The following PRDM16 variants were observed in gnomAD, a reference collection of about 807,000 sequenced individuals.
PRDM16 encodes the protein PR/SET domain 16.
PRDM16 carries 23 observed loss-of-function variants against 110.6 expected under a neutral mutation model. The observed-to-expected ratio is 0.21, with a 90% CI of 0.15 to 0.29. The LOEUF (loss-of-function observed/expected upper bound fraction) is 0.29, where lower values mean the gene tolerates loss of function less well. Among genes scored for constraint, PRDM16 ranks in the 10% least tolerant of loss-of-function variants. The pLI, the probability that PRDM16 is intolerant of heterozygous loss-of-function variation, is 1.00. For synonymous variants in PRDM16, 799 were observed against 781.8 expected, an observed-to-expected ratio of 1.02 and a Z score of -0.37; for missense variants, 1,615 against 1,794.3, an observed-to-expected ratio of 0.90 and a Z score of 1.81.
chr1:3,180,928 G>C (rs542609254), intron 1 of PRDM16, among the ~76,000 whole-genome samples: 3 of 147,144 alleles, frequency 2.0e-5, no homozygotes, highest in Non-Finnish European at 4.5e-5. Context: ...CCTTACACAC[G>C]CAGCCACACA....
chr1:3,181,282 G>GCA (rs1644170112), intron 1 of PRDM16, among the ~76,000 whole-genome samples: 1 of 78,200 alleles, frequency 1.3e-5, no homozygotes, highest in Non-Finnish European at 3.1e-5. Flanking sequence ...CCTTACGCAT[G>GCA]GTCTTACACA....
At chr1:3,105,302 C>T (rs1040150945) in intron 1 of PRDM16, among the ~76,000 whole-genome samples, 24 of 152,336 alleles carry the variant, frequency 1.6e-4, no homozygotes, top group African/African-American at 3.1e-4. Context: ...TCTGACACCC[C>T]GCTTCCTCCA....
At chr1:3,121,653 G>T (rs536599909) in intron 1 of PRDM16, among the ~76,000 whole-genome samples, 1 of 152,254 alleles carries the variant, frequency 6.6e-6, no homozygotes, top group Admixed American at 6.5e-5. Flanking sequence ...AGGCTGTGCC[G>T]AGGAAGGGGA....
At chr1:3,103,600 C>T (rs1642582037) in intron 1 of PRDM16, among the ~76,000 whole-genome samples, 1 of 152,192 alleles carries the variant, frequency 6.6e-6, no homozygotes, top group African/African-American at 2.4e-5. Flanking sequence ...GGTGCAGAAA[C>T]ACCTGTGGAG....
At chr1:3,287,509 C>CCTGCATGGA (rs370657563) in intron 3 of PRDM16, among the ~76,000 whole-genome samples, 1 of 75,998 alleles carries the variant, frequency 1.3e-5, no homozygotes, top group African/African-American at 6.3e-5. Flanking sequence ...GGAGCCGCCC[C>CCTGCATGGA]GCCACGCGGG....
At chr1:3,335,328 G>A (rs1029386760) in intron 3 of PRDM16, among the ~76,000 whole-genome samples, 17 of 152,164 alleles carry the variant, frequency 1.1e-4, no homozygotes, top group Non-Finnish European at 2.9e-5. Context: ...ATGAAAGAAC[G>A]TTATTGACTG....
chr1:3,217,854 C>T (rs1639067460), intron 2 of PRDM16, among the ~76,000 whole-genome samples: 1 of 152,206 alleles, frequency 6.6e-6, no homozygotes, highest in African/African-American at 2.4e-5. Context: ...TGCATGCTAC[C>T]TCGCTCACTC....
intron 3 of PRDM16, among the ~76,000 whole-genome samples, chr1:3,322,920 C>G (rs911221020): frequency 2.6e-5 from 4 of 152,162 alleles, no homozygotes; most frequent in Admixed American, 2.6e-4. Flanking sequence ...TGGACTGGGG[C>G]TCCCTGTGAT....
intron 1 of PRDM16, among the ~76,000 whole-genome samples, chr1:3,091,373 G>A (rs1438798517): frequency 2.0e-5 from 3 of 152,152 alleles, no homozygotes; most frequent in Admixed American, 1.3e-4. Context: ...GCACCGAGAC[G>A]ACAGCATCTC....
At chr1:3,240,316 A>G (rs577123639) in intron 2 of PRDM16, among the ~76,000 whole-genome samples, 2 of 148,910 alleles carry the variant, frequency 1.3e-5, no homozygotes, top group East Asian at 4.2e-4. Context: ...CAGGAGGCTG[A>G]GTTGAGAGGA....
At chr1:3,371,298 C>T (rs1234419980) in intron 3 of PRDM16, among the ~76,000 whole-genome samples, 1 of 147,718 alleles carries the variant, frequency 6.8e-6, no homozygotes, top group East Asian at 2.1e-4. Context: ...CATCCATCCA[C>T]CCATCCATCC....
At chr1:3,150,449 A>C (rs558465161) in intron 1 of PRDM16, among the ~76,000 whole-genome samples, 33 of 151,956 alleles carry the variant, frequency 2.2e-4, no homozygotes, top group Non-Finnish European at 3.8e-4. Flanking sequence ...GTCCCAGCTA[A>C]TTGGGAGGTA....
chr1:3,321,945 C>T (rs895880350), intron 3 of PRDM16, among the ~76,000 whole-genome samples: 3 of 149,396 alleles, frequency 2.0e-5, no homozygotes, highest in African/African-American at 7.4e-5. Context: ...GTATGTTTGG[C>T]ATGCATGTAT....
intron 1 of PRDM16, among the ~76,000 whole-genome samples, chr1:3,166,319 C>T (rs1798245): frequency 0.063 from 9,604 of 152,282 alleles, 858 homozygotes; most frequent in East Asian, 0.23. Flanking sequence ...CCGATGCCCA[C>T]GAGGGGTCCC....
At chr1:3,232,549 C>T (rs1033515778) in intron 2 of PRDM16, among the ~76,000 whole-genome samples, 1 of 152,150 alleles carries the variant, frequency 6.6e-6, no homozygotes, top group African/African-American at 2.4e-5. Flanking sequence ...GTTTGCGGAA[C>T]TCAGAAATGC....
intron 3 of PRDM16, among the ~76,000 whole-genome samples, chr1:3,332,734 C>T (rs115692861): frequency 0.026 from 3,952 of 151,976 alleles, 68 homozygotes; most frequent in Middle Eastern, 0.055. Flanking sequence ...CACTCCCCAC[C>T]GCCCGTCCCC....
At chr1:3,252,116 C>T (rs1160631339) in intron 3 of PRDM16, among the ~76,000 whole-genome samples, 1 of 152,238 alleles carries the variant, frequency 6.6e-6, no homozygotes, top group Non-Finnish European at 1.5e-5. Flanking sequence ...GGGACCCTTC[C>T]CGAGGCCTGG....
chr1:3,325,370 G>A (rs931423046), intron 3 of PRDM16, among the ~76,000 whole-genome samples: 1 of 152,218 alleles, frequency 6.6e-6, no homozygotes, highest in Admixed American at 6.5e-5. Context: ...TCTGGGAGAT[G>A]AACGCAGGGG....
chr1:3,072,763 A>T (rs552449100), intron 1 of PRDM16, among the ~76,000 whole-genome samples: 2 of 152,252 alleles, frequency 1.3e-5, no homozygotes, highest in East Asian at 3.9e-4. Context: ...TCCGGCGGGA[A>T]TCCAGCGTCT....
Sources: gnomAD v4.1 joint callset for allele counts (sites outside exome capture counted in the v4.1 genomes callset) on GRCh38, gnomAD v4.1.1 for gene constraint, MANE v1.5 for transcripts, NCBI Gene and HGNC (gene_info 2026-07-23, HGNC 2026-07-21) for gene names.